Variants in ADGRG6 observed in about 807,000 individuals in gnomAD.
ADGRG6 encodes the protein G-protein coupled receptor 126.
In ADGRG6, 84 loss-of-function variants were observed where a neutral mutation model predicts 142.4. The ratio of observed to expected loss-of-function variants is 0.59; its 90% confidence interval spans 0.49 to 0.71. The LOEUF (loss-of-function observed/expected upper bound fraction) is 0.71. Ranked by LOEUF, ADGRG6 falls within the 30% of genes least tolerant of loss-of-function variation. The pLI is 0.00. For synonymous variants in ADGRG6, 521 were observed against 520.5 expected, an observed-to-expected ratio of 1.00 and a Z score of -0.01; for missense variants, 1,367 against 1,466.6, an observed-to-expected ratio of 0.93 and a Z score of 1.11.
At chr6:142,364,090 G>A (rs1048414649) in intron 2 of ADGRG6, among the ~76,000 whole-genome samples, 1 of 151,152 alleles carries the variant, frequency 6.6e-6, no homozygotes, top group Admixed American at 6.6e-5. Flanking sequence ...TCAATTAGAT[G>A]TGTGACTTTG....
chr6:142,366,398 G>A (rs779934984), intron 2 of ADGRG6, among the ~76,000 whole-genome samples: 4 of 152,072 alleles, frequency 2.6e-5, no homozygotes, highest in African/African-American at 7.2e-5. Context: ...TGTGATCTGC[G>A]GTGCTATACT....
intron 19 of ADGRG6, 101 bp downstream of exon 19, chr6:142,415,197 T>A (rs1461078071): frequency 1.4e-6 from 1 of 709,250 alleles, no homozygotes; most frequent in African/African-American, 1.8e-5. Flanking sequence ...TGTAGGGTGG[T>A]TGAACGTTAA....
chr6:142,383,952 T>G (rs1781901990), intron 6 of ADGRG6, 109 bp downstream of exon 6: 1 of 645,050 alleles, frequency 1.6e-6, no homozygotes, highest in African/African-American at 1.8e-5. Flanking sequence ...TGGAGTCAAT[T>G]GGTACATTTG....
intron 2 of ADGRG6, among the ~76,000 whole-genome samples, chr6:142,310,796 C>T (rs373608326): frequency 1.3e-5 from 2 of 151,778 alleles, no homozygotes; most frequent in East Asian, 1.9e-4. Flanking sequence ...TTATTACTGT[C>T]ATTATTAGAG....
At chr6:142,336,161 C>T (rs934616873) in intron 2 of ADGRG6, among the ~76,000 whole-genome samples, 4 of 152,162 alleles carry the variant, frequency 2.6e-5, no homozygotes, top group African/African-American at 9.7e-5. Flanking sequence ...GCAGCTCAGA[C>T]TTCTCTCAAG....
chr6:142,429,355 C>A (rs1400105325), intron 22 of ADGRG6, among the ~76,000 whole-genome samples: 1 of 152,098 alleles, frequency 6.6e-6, no homozygotes, highest in Non-Finnish European at 1.5e-5. Flanking sequence ...TGAATTGGTG[C>A]CAAGGTAAAG....
intron 15 of ADGRG6, among the ~76,000 whole-genome samples, chr6:142,407,522 T>C (rs1775869674): frequency 6.6e-6 from 1 of 152,196 alleles, no homozygotes; most frequent in Non-Finnish European, 1.5e-5. Context: ...AGAGATGAAC[T>C]TGCAGAATAG....
chr6:142,359,963 A>T (rs185155898), intron 2 of ADGRG6, among the ~76,000 whole-genome samples: 114 of 152,352 alleles, frequency 7.5e-4, no homozygotes, highest in Non-Finnish European at 1.3e-3. Flanking sequence ...GTTGCAGGTG[A>T]CAAGAATATT....
At chr6:142,386,459 T>G (rs1782028757) in intron 6 of ADGRG6, among the ~76,000 whole-genome samples, 1 of 152,288 alleles carries the variant, frequency 6.6e-6, no homozygotes, top group Middle Eastern at 3.4e-3. Context: ...TGAAAACAAG[T>G]AAGATAATTG....
chr6:142,443,292 C>T, intron 24 of ADGRG6, 45 bp from the exon 25 acceptor site: 4 of 1,382,290 alleles, frequency 2.9e-6, no homozygotes, highest in Non-Finnish European at 4.1e-6. Context: ...TGTAGGCATG[C>T]CACCAGCTCA....
intron 20 of ADGRG6, among the ~76,000 whole-genome samples, 178 bp downstream of exon 20, chr6:142,416,242 T>TA (rs961049463): frequency 7.9e-5 from 12 of 152,044 alleles, no homozygotes; most frequent in Admixed American, 5.9e-4. Context: ...CTTTATTTTT[T>TA]AAAACTCATC....
chr6:142,361,869 C>T (rs553146535), intron 2 of ADGRG6, among the ~76,000 whole-genome samples: 39 of 151,670 alleles, frequency 2.6e-4, no homozygotes, highest in Middle Eastern at 6.8e-3. Flanking sequence ...TAGTTTCCCA[C>T]GAAAATATGT....
intron 9 of ADGRG6, 62 bp from the exon 10 acceptor site, chr6:142,397,551 C>G: frequency 2.0e-6 from 3 of 1,506,632 alleles, no homozygotes; most frequent in Non-Finnish European, 2.7e-6. Flanking sequence ...CTCTGTTTCT[C>G]CTACCAAATG....
At chr6:142,397,543 C>A in intron 9 of ADGRG6, 70 bp from the exon 10 acceptor site, 1 of 1,429,326 alleles carries the variant, frequency 7.0e-7, no homozygotes, top group Non-Finnish European at 9.7e-7. Flanking sequence ...TCCAAATACT[C>A]TGTTTCTCCT....
At chr6:142,356,186 T>C (rs1174281856) in intron 2 of ADGRG6, among the ~76,000 whole-genome samples, 1 of 152,242 alleles carries the variant, frequency 6.6e-6, no homozygotes, top group Non-Finnish European at 1.5e-5. Flanking sequence ...TTTTGTAAAC[T>C]AAGCTGTTAG....
intron 1 of ADGRG6, chr6:142,302,722 C>T (rs1777290464): frequency 4.1e-6 from 1 of 244,574 alleles, no homozygotes; most frequent in Non-Finnish European, 7.8e-6. Flanking sequence ...CCGGAATCAA[C>T]ACCTGGGGGC....
intron 4 of ADGRG6, among the ~76,000 whole-genome samples, chr6:142,376,546 G>A (rs926871376): frequency 1.7e-4 from 26 of 151,966 alleles, no homozygotes; most frequent in Admixed American, 1.1e-3. Flanking sequence ...GATTTTTACC[G>A]TTTCATAATC....
chr6:142,323,585 T>C (rs1200622840), intron 2 of ADGRG6, among the ~76,000 whole-genome samples: 3 of 152,126 alleles, frequency 2.0e-5, no homozygotes, highest in African/African-American at 7.2e-5. Context: ...AGGTATGTTC[T>C]AAGAAATGCA....
chr6:142,420,126 T>C (rs766012228), intron 22 of ADGRG6, 22 bp downstream of exon 22: 1 of 1,571,924 alleles, frequency 6.4e-7, no homozygotes, highest in East Asian at 2.2e-5. Context: ...TGTACATGAA[T>C]AGTCTCTGCT....
Sources: gnomAD v4.1 joint callset for allele counts (sites outside exome capture counted in the v4.1 genomes callset) on GRCh38, gnomAD v4.1.1 for gene constraint, MANE v1.5 for transcripts, NCBI Gene and HGNC (gene_info 2026-07-23, HGNC 2026-07-21) for gene names.